CADM2: variants seen among roughly 807,000 people sequenced by gnomAD.
CADM2 encodes immunoglobulin superfamily member 4D.
Under a neutral mutation model 49.8 loss-of-function variants are expected in CADM2, and 12 were observed. The ratio of observed to expected loss-of-function variants is 0.24; its 90% CI spans 0.15 to 0.39. The LOEUF (loss-of-function observed/expected upper bound fraction) is 0.39, where lower values mean the gene tolerates loss of function less well. Among genes scored for constraint, CADM2 ranks in the 10% least tolerant of loss-of-function variants. The pLI is 1.00. For synonymous variants in CADM2, 214 were observed against 175.4 expected (o/e 1.22, Z -1.74); for missense variants, 378 against 492.3 (o/e 0.77, Z 2.20).
At chr3:85,789,221 A>G (rs1051461692) in intron 2 of CADM2, among the ~76,000 whole-genome samples, 2 of 152,100 alleles carry the variant, frequency 1.3e-5, no homozygotes. Context: ...TGACATCTCA[A>G]TTTAGAATTT....
chr3:85,220,491 A>G (rs532381626), intron 1 of CADM2, among the ~76,000 whole-genome samples: 30 of 152,274 alleles, frequency 2.0e-4, no homozygotes, highest in Middle Eastern at 3.4e-3. Context: ...CAAGCATACA[A>G]GTCAGGTTCT....
At chr3:85,031,738 T>C (rs1034833666) in intron 1 of CADM2, among the ~76,000 whole-genome samples, 2 of 152,024 alleles carry the variant, frequency 1.3e-5, no homozygotes, top group South Asian at 4.1e-4. Flanking sequence ...GCCAGGATGG[T>C]CTCGATCTGC....
intron 1 of CADM2, among the ~76,000 whole-genome samples, chr3:85,287,164 A>G (rs1276873118): frequency 6.6e-6 from 1 of 152,140 alleles, no homozygotes; most frequent in East Asian, 1.9e-4. Flanking sequence ...CAAAAACATC[A>G]AATCAGCAAG....
intron 1 of CADM2, among the ~76,000 whole-genome samples, chr3:85,659,835 A>G (rs147087748): frequency 1.1e-3 from 163 of 152,260 alleles, no homozygotes; most frequent in African/African-American, 3.2e-3. Flanking sequence ...GCTCCTGTGT[A>G]GGCCACACTC....
chr3:85,660,517 T>G (rs1345756217), intron 1 of CADM2, among the ~76,000 whole-genome samples: 1 of 152,010 alleles, frequency 6.6e-6, no homozygotes, highest in Admixed American at 6.6e-5. Flanking sequence ...TTTTAGTCTT[T>G]ATTTGAAATC....
At chr3:85,866,433 C>G (rs1406450309) in intron 3 of CADM2, among the ~76,000 whole-genome samples, 2 of 152,114 alleles carry the variant, frequency 1.3e-5, no homozygotes, top group Non-Finnish European at 2.9e-5. Context: ...TTTCTTGATT[C>G]ATTGGAGTCT....
intron 1 of CADM2, among the ~76,000 whole-genome samples, chr3:85,461,932 G>T (rs1204632159): frequency 6.6e-6 from 1 of 152,088 alleles, no homozygotes; most frequent in South Asian, 2.1e-4. Context: ...GCTATCAGGG[G>T]TCCGGACTTT....
At chr3:85,290,872 G>T (rs2043772324) in intron 1 of CADM2, among the ~76,000 whole-genome samples, 1 of 152,212 alleles carries the variant, frequency 6.6e-6, no homozygotes, top group Admixed American at 6.5e-5. Context: ...ACTCTAAAAA[G>T]CAGAGCGCCT....
chr3:85,606,272 T>A (rs1404924457), intron 1 of CADM2, among the ~76,000 whole-genome samples: 3 of 152,086 alleles, frequency 2.0e-5, no homozygotes, highest in African/African-American at 7.2e-5. Context: ...TTTAAAAGTC[T>A]CCTTTCAATT....
At chr3:85,577,433 G>T (rs989987988) in intron 1 of CADM2, among the ~76,000 whole-genome samples, 7 of 152,016 alleles carry the variant, frequency 4.6e-5, no homozygotes, top group African/African-American at 1.7e-4. Context: ...TTGCTCTCTC[G>T]CACGTGCTCT....
intron 1 of CADM2, among the ~76,000 whole-genome samples, chr3:85,586,654 A>T (rs1243163683): frequency 1.3e-5 from 2 of 152,126 alleles, no homozygotes; most frequent in Non-Finnish European, 2.9e-5. Context: ...ATATTAATAA[A>T]TCTGTTAGGT....
At chr3:85,001,827 A>T (rs1253953344) in intron 1 of CADM2, among the ~76,000 whole-genome samples, 2 of 152,090 alleles carry the variant, frequency 1.3e-5, no homozygotes, top group Non-Finnish European at 2.9e-5. Context: ...ATGTAAAATT[A>T]AAAAAATAAA....
chr3:85,233,645 G>A (rs932566240), intron 1 of CADM2, among the ~76,000 whole-genome samples: 11 of 152,074 alleles, frequency 7.2e-5, no homozygotes, highest in Admixed American at 3.3e-4. Context: ...ATTAGACAGC[G>A]TAGATGAGAT....
At chr3:85,147,275 C>CAAAAAAAA (rs759888985) in intron 1 of CADM2, among the ~76,000 whole-genome samples, 47 of 46,002 alleles carry the variant, frequency 1.0e-3, no homozygotes, top group East Asian at 4.2e-3. Context: ...GACTCTGTCT[C>CAAAAAAAA]AAAAAAAAAA....
At chr3:85,735,040 A>G (rs965871475) in intron 2 of CADM2, among the ~76,000 whole-genome samples, 2 of 150,870 alleles carry the variant, frequency 1.3e-5, no homozygotes, top group Non-Finnish European at 3.0e-5. Flanking sequence ...TTTTTACTGC[A>G]TGGAGCTGTC....
At chr3:85,064,865 A>G (rs139172654) in intron 1 of CADM2, among the ~76,000 whole-genome samples, 2 of 152,240 alleles carry the variant, frequency 1.3e-5, no homozygotes, top group African/African-American at 4.8e-5. Flanking sequence ...TAAAAATCTA[A>G]CAGGCACTGT....
At chr3:85,378,238 TCTATCGTAGCCCTCATCA>T (rs1246807664) in intron 1 of CADM2, among the ~76,000 whole-genome samples, 7 of 152,054 alleles carry the variant, frequency 4.6e-5, no homozygotes, top group South Asian at 4.1e-4. Flanking sequence ...CAGGTCTCTG[TCTATCGTAGCCCTCATCA>T]CTCTGTTCTG....
chr3:85,888,256 T>C (rs184747128), intron 5 of CADM2, among the ~76,000 whole-genome samples: 1 of 152,298 alleles, frequency 6.6e-6, no homozygotes, highest in African/African-American at 2.4e-5. Context: ...TTTCACATTG[T>C]AGCTGCATGA....
chr3:85,731,570 G>C (rs922431195), intron 2 of CADM2, among the ~76,000 whole-genome samples: 1 of 151,980 alleles, frequency 6.6e-6, no homozygotes, highest in African/African-American at 2.4e-5. Context: ...AAAACATGTA[G>C]TCCTAGGTAA....
Sources: allele counts gnomAD v4.1 joint callset (sites outside exome capture counted in the v4.1 genomes callset), GRCh38; gene constraint gnomAD v4.1.1; transcripts MANE v1.5; gene names NCBI Gene and HGNC (gene_info 2026-07-23, HGNC 2026-07-21).